The following CFAP54 variants were observed in gnomAD, a reference collection of about 807,000 sequenced individuals.
CFAP54 encodes the protein cilia and flagella associated protein 54.
A neutral mutation model predicts 370.4 loss-of-function variants in CFAP54; 290 were observed. The observed-to-expected ratio is 0.78, with a 90% confidence interval of 0.71 to 0.86. The LOEUF (loss-of-function observed/expected upper bound fraction) is 0.86, where lower values mean the gene tolerates loss of function less well. Ranked by LOEUF, CFAP54 falls within the 40% of genes least tolerant of loss-of-function variation. The pLI, the probability that CFAP54 is intolerant of heterozygous loss-of-function variation, is 0.00. For missense variants in CFAP54, 3,399 were observed against 3,528.7 expected, an observed-to-expected ratio of 0.96 and a Z score of 0.93; for synonymous variants, 1,206 against 1,236.5, an observed-to-expected ratio of 0.98 and a Z score of 0.52.
intron 28 of CFAP54, among the ~76,000 whole-genome samples, chr12:96,624,782 A>G (rs1387058470): frequency 6.6e-6 from 1 of 152,040 alleles, no homozygotes; most frequent in Admixed American, 6.6e-5. Context: ...TGTGGGCTTC[A>G]CTGACTTGGA....
At chr12:96,543,505 T>C (rs75792396) in intron 14 of CFAP54, among the ~76,000 whole-genome samples, 223 of 152,330 alleles carry the variant, frequency 1.5e-3, no homozygotes, top group African/African-American at 4.9e-3. Context: ...CCTAACTTCT[T>C]TCATTCCTTT....
At position 96,842,598 on chromosome 12, in the gene CFAP54, C is replaced by CA. The variant is rs765510414; in HGVS notation, c.9171+13519dup. On this transcript the variant is annotated intron_variant, in intron 66 of 67. Transcript: ENST00000524981. ...GCCATTAAACTATCCTTTTGATGAA[C>CA]AAAAAAAAATTAAGAATATTATCAC... Among the ~76,000 whole-genome samples the CA allele has an allele frequency of 1.7e-3, 256 of 151,160 alleles. 2 individuals carry two copies. The highest frequency in any genetic ancestry group is 3.4e-3 in the Middle Eastern group (1 of 294).
At chr12:96,784,990 T>A (rs139676626) in intron 61 of CFAP54, 100 bp downstream of exon 61, 36 of 964,422 alleles carry the variant, frequency 3.7e-5, no homozygotes, top group Non-Finnish European at 5.0e-5. Flanking sequence ...GACATCTTTC[T>A]GAGTGACTGT....
At chr12:96,532,450 A>G (rs1049481032) in intron 9 of CFAP54, among the ~76,000 whole-genome samples, 26 of 152,128 alleles carry the variant, frequency 1.7e-4, no homozygotes, top group Non-Finnish European at 3.2e-4. Flanking sequence ...TTCCTAAGAA[A>G]AATACAAGTT....
At chr12:96,784,213 C>T (rs1187218909) in intron 60 of CFAP54, among the ~76,000 whole-genome samples, 4 of 152,112 alleles carry the variant, frequency 2.6e-5, no homozygotes, top group African/African-American at 7.2e-5. Context: ...GTGAATTGCT[C>T]TCACAAATAA....
rs186603262 is a variant in CFAP54, at chr12:96,627,022, C to T, written c.4103+83C>T. The T allele has an allele frequency of 7.1e-4, 728 of 1,024,100 alleles. 5 individuals carry two copies. The African/African-American group carries it at 1.0e-2, about 14-fold the overall frequency. The allele number at this position is 1,024,100 out of a possible 1,614,324, so 63.4% of individuals were successfully genotyped here. A position where few individuals can be genotyped will look rare whatever the true frequency, so the allele number is the denominator to read the frequency against. ...TCAGTTTTAAGAAATATAAGGTAGA[C>T]GAAAAAGAGAGTGGAGTATATACAG... On this transcript the variant is annotated intron_variant, in intron 30 of 67. Transcript: ENST00000524981.
chr12:96,523,244 T>C (rs1285696369), intron 8 of CFAP54, among the ~76,000 whole-genome samples: 1 of 152,164 alleles, frequency 6.6e-6, no homozygotes, highest in Non-Finnish European at 1.5e-5. Flanking sequence ...GGTTCAGTCC[T>C]TTTATATTAC....
Position 96,806,155 on chromosome 12 carries a change from G to A in CFAP54, c.8851-5581G>A, listed in dbSNP as rs1260502565. ...TCTAAAAGCCAAGACTTTGTCACTA[G>A]CCAAATATATATATATATATATATA... On this transcript the variant is annotated intron_variant, in intron 63 of 67. Transcript: ENST00000524981. 9.2e-5 allele frequency among the ~76,000 whole-genome samples: 6 copies of A among 65,154 alleles called. No individual in the cohort carries two copies. The East Asian group carries it at 4.0e-3, about 43-fold the overall frequency. The allele number at this position is 65,154 out of a possible 152,430, so 42.7% of individuals were successfully genotyped here. A position where few individuals can be genotyped will look rare whatever the true frequency, so the allele number is the denominator to read the frequency against.
At chr12:96,563,209 T>C (rs1955833856) in intron 17 of CFAP54, among the ~76,000 whole-genome samples, 1 of 152,202 alleles carries the variant, frequency 6.6e-6, no homozygotes. Flanking sequence ...CTTAAAGATA[T>C]TGATGCAAGA....
At chr12:96,561,086 G>C (rs548516249) in intron 17 of CFAP54, among the ~76,000 whole-genome samples, 9 of 152,212 alleles carry the variant, frequency 5.9e-5, no homozygotes, top group South Asian at 2.1e-4. Context: ...CCAGTGGGAG[G>C]GAGGCCCTTC....
intron 50 of CFAP54, among the ~76,000 whole-genome samples, chr12:96,726,506 G>A (rs1201225570): frequency 2.6e-5 from 4 of 152,128 alleles, no homozygotes; most frequent in Non-Finnish European, 5.9e-5. Context: ...GCATTTATGT[G>A]GGATCGGTGG....
Position 96,523,314 on chromosome 12 carries a change from G to A in CFAP54, c.1158+1125G>A, listed in dbSNP as rs115805706. 8.5e-3 allele frequency among the ~76,000 whole-genome samples: 1,299 copies of A among 152,280 alleles called. 28 individuals carry two copies. The highest frequency in any genetic ancestry group is 0.03 in the African/African-American group (1,230 of 41,540). ...CTGGCTCAAGGTCACAAAGGCAGCCGCTGGCAGAACCAGAACCAGCATCTC... is the reference window on the plus strand; with the variant it reads ...CTGGCTCAAGGTCACAAAGGCAGCCACTGGCAGAACCAGAACCAGCATCTC... On this transcript the variant is annotated intron_variant, in intron 8 of 67. Transcript: ENST00000524981.
chr12:96,758,883 G>A (rs1033934980), intron 58 of CFAP54, among the ~76,000 whole-genome samples: 6 of 152,130 alleles, frequency 3.9e-5, no homozygotes, highest in South Asian at 4.1e-4. Context: ...TGATGCCGCC[G>A]GTCTGTGGGC....
At chr12:96,794,427 T>C (rs1565980650) in intron 63 of CFAP54, among the ~76,000 whole-genome samples, 2 of 144,164 alleles carry the variant, frequency 1.4e-5, no homozygotes, top group Admixed American at 1.4e-4. Context: ...GAGATGTTGT[T>C]CTTTTTTTAT....
In CFAP54 at chr12:96,580,950, G is replaced by C; in HGVS notation, c.2920G>C (p.Val974Leu). 1 of 1,518,434 alleles carries C rather than the reference G, an allele frequency of 6.6e-7. No homozygotes were observed. The highest frequency in any genetic ancestry group is 1.7e-4 in the Middle Eastern group (1 of 5,912). The allele number at this position is 1,518,434 out of a possible 1,614,324, so 94.1% of individuals were successfully genotyped here. Residue 974 changes from valine to leucine, a missense_variant, in exon 22 of 68, where the codon GTG (valine) becomes CTG (leucine). Coordinates refer to ENST00000524981, the MANE Select transcript of CFAP54 (RefSeq NM_001306084.2). ...IPADGKSVFE[V>L]KGLETNEKYV... ...AGCTGACGGTAAAAGTGTTTTTGAA[G>C]TGAAAGGTTTAGAAACCAATGAAAA...
At chr12:96,689,155 T>C (rs1957361311) in intron 43 of CFAP54, among the ~76,000 whole-genome samples, 173 bp downstream of exon 43, 1 of 152,156 alleles carries the variant, frequency 6.6e-6, no homozygotes, top group South Asian at 2.1e-4. Context: ...GACTTTCACC[T>C]TTAATTTTTT....
intron 38 of CFAP54, among the ~76,000 whole-genome samples, chr12:96,663,300 G>A (rs78016403): frequency 0.019 from 2,939 of 152,270 alleles, 114 homozygotes; most frequent in African/African-American, 0.068. Context: ...GTGAAGAAAT[G>A]AAGAGAAGAG....
At chr12:96,528,046 G>T (rs1227106183) in intron 9 of CFAP54, among the ~76,000 whole-genome samples, 2 of 152,058 alleles carry the variant, frequency 1.3e-5, no homozygotes, top group African/African-American at 4.8e-5. Flanking sequence ...CTTGATGGTT[G>T]CACTGGCTAG....
chr12:96,816,689 T>C (rs147641132), intron 64 of CFAP54, among the ~76,000 whole-genome samples: 23 of 152,334 alleles, frequency 1.5e-4, no homozygotes, highest in Non-Finnish European at 3.2e-4. Context: ...TCTTCCTTCC[T>C]TGAATGGAGA....
Sources: gnomAD v4.1 joint callset for allele counts (sites outside exome capture counted in the v4.1 genomes callset) on GRCh38, gnomAD v4.1.1 for gene constraint, MANE v1.5 for transcripts, NCBI Gene and HGNC (gene_info 2026-07-23, HGNC 2026-07-21) for gene names.